LRRFIP1: variants seen among roughly 807,000 people sequenced by gnomAD.
The protein encoded by LRRFIP1 is LRR binding FLII interacting protein 1.
Under a neutral mutation model 104.4 loss-of-function variants are expected in LRRFIP1, and 62 were observed. That is an observed-to-expected ratio of 0.59 (90% confidence interval 0.48 to 0.73). The LOEUF (loss-of-function observed/expected upper bound fraction) is 0.73, where lower values mean the gene tolerates loss of function less well. Among genes scored for constraint, LRRFIP1 ranks in the 30% least tolerant of loss-of-function variants. The pLI, the probability that LRRFIP1 is intolerant of heterozygous loss-of-function variation, is 0.00. For missense variants in LRRFIP1, 796 were observed against 824.5 expected (o/e 0.97, Z 0.42); for synonymous variants, 300 against 299.0 (o/e 1.00, Z -0.03).
intron 19 of LRRFIP1, chr2:237,764,344 A>G (rs1267610759): frequency 2.7e-6 from 4 of 1,482,512 alleles, no homozygotes; most frequent in Non-Finnish European, 2.7e-6. Flanking sequence ...TTAGAAAGAC[A>G]TATTTGTTAT....
rs781210478 is a variant in LRRFIP1 at position 237,763,690 on chromosome 2, A to C, written c.1459+3485A>C. 12 of 1,614,240 alleles carry C rather than the reference A, an allele frequency of 7.4e-6. No homozygotes were observed. The South Asian group carries it at 1.3e-4, about 18-fold the overall frequency. On this transcript the variant is annotated intron_variant, in intron 19 of 23. Coordinates refer to ENST00000308482, the MANE Select transcript of LRRFIP1 (RefSeq NM_001137550.2). Reference sequence around the variant, plus strand: ...AGTTGGATGGAAAACTTGACCAAGAAGGTGATGATGTACAAACAGCAGCTG... The same window carrying C: ...AGTTGGATGGAAAACTTGACCAAGACGGTGATGATGTACAAACAGCAGCTG...
intron 1 of LRRFIP1, among the ~76,000 whole-genome samples, chr2:237,629,540 C>T (rs557334015): frequency 1.7e-4 from 25 of 145,418 alleles, no homozygotes; most frequent in Admixed American, 6.4e-4. Flanking sequence ...GGTATGATCT[C>T]GGCTCACTGC....
rs78551849 is a variant in LRRFIP1 at position 237,649,777 on chromosome 2, C to A, written c.96+22037C>A. ...CAGTGTTGTTCAGGCCTCACCAGTC[C>A]TTGGTCATGCCACCCGGGCTGAGTT... On this transcript the variant is annotated intron_variant, in intron 1 of 23. Transcript: ENST00000308482. The surrounding 1 kb of genome is among the most constrained non-coding windows in gnomAD (Gnocchi z 4.1). Among the ~76,000 whole-genome samples, 7,575 of 151,998 alleles carry A rather than the reference C, an allele frequency of 0.05. 624 individuals carry two copies. Among genetic ancestry groups the A allele is most frequent in the African/African-American group, 0.17 (7,109 of 41,468 alleles).
In LRRFIP1 at chr2:237,723,531, C is replaced by T. The variant is rs752887837; in HGVS notation, c.346-17C>T. ...CTTTGCTGTTGTTTTTTTTTTCTGC[C>T]ATCTTTCTTCTGACAGTCGCAGCCT... On this transcript the variant is annotated splice_polypyrimidine_tract_variant and intron_variant, in intron 6 of 23. Coordinates refer to ENST00000308482, the MANE Select transcript of LRRFIP1 (RefSeq NM_001137550.2). 4.3e-6 allele frequency: 7 copies of T among 1,611,336 alleles called. No homozygotes were observed. The East Asian group carries it at 1.3e-4, about 31-fold the overall frequency.
chr2:237,772,742 C>T (rs1214871383), intron 21 of LRRFIP1, 124 bp from the exon 22 acceptor site: 4 of 684,662 alleles, frequency 5.8e-6, no homozygotes, highest in Non-Finnish European at 1.0e-5. Flanking sequence ...GTTGTGGAGG[C>T]AGGGCCAGAA....
chr2:237,678,012 G>A (rs898307320), intron 1 of LRRFIP1, among the ~76,000 whole-genome samples: 7 of 152,088 alleles, frequency 4.6e-5, no homozygotes, highest in Admixed American at 2.6e-4. Context: ...CACCTCGGGC[G>A]GACCATTTCC....
chr2:237,720,645 G>A (rs2094504729), intron 5 of LRRFIP1, 127 bp from the exon 6 acceptor site: 1 of 743,616 alleles, frequency 1.3e-6, no homozygotes, highest in Non-Finnish European at 2.4e-6. Flanking sequence ...AGATGTCCAG[G>A]GGTGGCTGGC....
At chr2:237,719,728 CTAAA>C (rs1288379708) in intron 5 of LRRFIP1, among the ~76,000 whole-genome samples, 161 bp downstream of exon 5, 1 of 151,986 alleles carries the variant, frequency 6.6e-6, no homozygotes, top group African/African-American at 2.4e-5. Context: ...ATATTATTAC[CTAAA>C]TAAAGACTAT....
At chr2:237,744,163 T>C (rs1218028034) in intron 11 of LRRFIP1, among the ~76,000 whole-genome samples, 1 of 152,208 alleles carries the variant, frequency 6.6e-6, no homozygotes, top group Non-Finnish European at 1.5e-5. Context: ...GTAAATATTA[T>C]TGGATTTAAA....
rs775026813 is a variant in LRRFIP1 at position 237,741,172 on chromosome 2, C to T, written c.633+1863C>T. On this transcript the variant is annotated intron_variant, in intron 11 of 23. Coordinates refer to ENST00000308482, the MANE Select transcript of LRRFIP1 (RefSeq NM_001137550.2). ...TACCATGCAAACTCCAGGGGCACAC[C>T]GCCCCCCAGTAATCTCTCCCCAGAG... is the stretch of plus-strand genomic sequence containing the variant. Among the ~76,000 whole-genome samples, 96 of 152,192 alleles carry T rather than the reference C, an allele frequency of 6.3e-4. 1 individual carries two copies. The highest frequency in any genetic ancestry group is 1.2e-3 in the Non-Finnish European group (82 of 68,044).
rs751947397 is a variant in LRRFIP1, at chr2:237,769,722, G to C, written c.1460-221G>C. The C allele has an allele frequency of 4.3e-4, 231 of 531,908 alleles. 2 individuals are homozygous for C. The highest frequency in any genetic ancestry group is 7.5e-5 in the Non-Finnish European group (22 of 294,276). 32.9% of individuals were successfully genotyped at this position (531,908 alleles called of 1,614,324 possible). On this transcript the variant is annotated intron_variant, in intron 19 of 23. Transcript: ENST00000308482. ...GCAGCCTGTTTGCATGCAGCCGGAT[G>C]CTGCCCCTGACGTGAAGCATGTTCT...
chr2:237,720,161 G>T (rs969121484), intron 5 of LRRFIP1, among the ~76,000 whole-genome samples: 1 of 151,964 alleles, frequency 6.6e-6, no homozygotes, highest in African/African-American at 2.4e-5. Flanking sequence ...TGCCCAATCC[G>T]GTCTCGAACT....
chr2:237,677,002 T>A (rs1249830009), intron 1 of LRRFIP1, among the ~76,000 whole-genome samples: 1 of 152,254 alleles, frequency 6.6e-6, no homozygotes, highest in East Asian at 1.9e-4. Context: ...AAAGGGTAAA[T>A]TGTTTTCTTA....
At chr2:237,709,093 C>T (rs915807737) in intron 2 of LRRFIP1, among the ~76,000 whole-genome samples, 7 of 152,050 alleles carry the variant, frequency 4.6e-5, no homozygotes, top group Admixed American at 6.6e-5. Context: ...ATCTAGAGCC[C>T]GTGTGTGATA....
rs774712031 is a variant in LRRFIP1, at chr2:237,708,589, C to T, written c.142C>T (p.Arg48Cys). The T allele has an allele frequency of 3.3e-5, 53 of 1,599,480 alleles. No homozygotes were observed. The highest frequency in any genetic ancestry group is 4.1e-5 in the Non-Finnish European group (48 of 1,171,088). ...AAAACGGGCGGCCCGCGCGGAGGCT[C>T]GCGAGATCCGCATGAAGGAGCTGGA... ...AAKRAARAEA[R>C]EIRMKELERQ... Residue 48 changes from arginine to cysteine, a missense_variant, in exon 2 of 24, where the codon CGC (arginine) becomes TGC (cysteine). Arg to Cys is a radical substitution (Grantham distance 180). Transcript: ENST00000308482.
intron 15 of LRRFIP1, among the ~76,000 whole-genome samples, chr2:237,753,821 G>GGTGT (rs759587250): frequency 1.1e-4 from 15 of 132,954 alleles, no homozygotes; most frequent in Non-Finnish European, 1.6e-4. Flanking sequence ...GGAATGGTAG[G>GGTGT]GTGTGTGTGT....
At chr2:237,648,739 C>T (rs2085401902) in intron 1 of LRRFIP1, among the ~76,000 whole-genome samples, 1 of 147,514 alleles carries the variant, frequency 6.8e-6, no homozygotes, top group Admixed American at 6.7e-5. Flanking sequence ...GCAGCCCAGA[C>T]CCAGGAAGGA....
rs998972997 is a variant in LRRFIP1 at position 237,661,431 on chromosome 2, C to T, written c.96+33691C>T. Among the ~76,000 whole-genome samples the T allele has an allele frequency of 4.6e-5, 7 of 152,124 alleles. No homozygotes were observed. The highest frequency in any genetic ancestry group is 8.8e-5 in the Non-Finnish European group (6 of 68,000). On this transcript the variant is annotated intron_variant, in intron 1 of 23. Transcript: ENST00000308482. This position sits in a 1 kb window ranked among gnomAD's most constrained non-coding sequence, Gnocchi z 4.4. ...TCCCAGACAGTGGAAACTTTTTGTT[C>T]CCCAAAGCCCTCCAGCTGGCCGGGC...
chr2:237,714,554 TA>T (rs1254250037), intron 3 of LRRFIP1, among the ~76,000 whole-genome samples: 1 of 152,250 alleles, frequency 6.6e-6, no homozygotes, highest in Non-Finnish European at 1.5e-5. Flanking sequence ...AGAAGAAAAG[TA>T]ATTCTAAGGC....
Sources: allele counts gnomAD v4.1 joint callset (sites outside exome capture counted in the v4.1 genomes callset), GRCh38; gene constraint gnomAD v4.1.1; non-coding constraint Gnocchi (gnomAD v3.1); transcripts MANE v1.5; gene names NCBI Gene and HGNC (gene_info 2026-07-23, HGNC 2026-07-21).